The following DAB1 variants were observed in gnomAD, a reference collection of about 807,000 sequenced individuals.
DAB1 encodes disabled homolog 1.
Under a neutral mutation model 64.6 loss-of-function variants are expected in DAB1, and 15 were observed. The observed-to-expected ratio is 0.23, with a 90% CI of 0.16 to 0.36. The LOEUF (loss-of-function observed/expected upper bound fraction) is 0.36. Ranked by LOEUF, DAB1 falls within the 10% of genes least tolerant of loss-of-function variation. The pLI, the probability that DAB1 is intolerant of heterozygous loss-of-function variation, is 1.00. For synonymous variants in DAB1, 235 were observed against 251.9 expected (o/e 0.93, Z 0.64); for missense variants, 596 against 706.7 (o/e 0.84, Z 1.78).
At chr1:57,831,641 C>A (rs1163008101) in intron 1 of DAB1, among the ~76,000 whole-genome samples, 1 of 144,230 alleles carries the variant, frequency 6.9e-6, no homozygotes, top group Admixed American at 7.4e-5. Flanking sequence ...TTCTGGGGAA[C>A]AAGTGATCCT....
intron 5 of DAB1, among the ~76,000 whole-genome samples, chr1:58,143,289 A>G (rs1654388997): frequency 6.6e-6 from 1 of 152,204 alleles, no homozygotes; most frequent in South Asian, 2.1e-4. Flanking sequence ...GGAAAAGAAG[A>G]TGCCTAAAGA....
intron 2 of DAB1, among the ~76,000 whole-genome samples, chr1:57,202,651 T>C (rs1428108240): frequency 6.6e-6 from 1 of 152,232 alleles, no homozygotes; most frequent in Admixed American, 6.5e-5. Flanking sequence ...TCCATTTGGA[T>C]CAGCACTTTA....
intron 4 of DAB1, among the ~76,000 whole-genome samples, chr1:58,324,612 G>A (rs1662778117): frequency 1.3e-5 from 2 of 152,222 alleles, no homozygotes; most frequent in Admixed American, 1.3e-4. Context: ...TTCAATCTGG[G>A]GAAACAATTT....
chr1:57,267,907 G>C (rs1409618488), intron 2 of DAB1, among the ~76,000 whole-genome samples: 8 of 152,120 alleles, frequency 5.3e-5, no homozygotes, highest in Non-Finnish European at 8.8e-5. Flanking sequence ...CGGAGAGTGG[G>C]AAAACAATTA....
chr1:57,505,610 A>G (rs1316579556), intron 7 of DAB1, among the ~76,000 whole-genome samples: 1 of 152,170 alleles, frequency 6.6e-6, no homozygotes, highest in African/African-American at 2.4e-5. Flanking sequence ...TTGTACTTCT[A>G]GAATTCTTGA....
chr1:58,117,428 C>A (rs1428166541), intron 5 of DAB1, among the ~76,000 whole-genome samples: 1 of 152,174 alleles, frequency 6.6e-6, no homozygotes, highest in East Asian at 1.9e-4. Flanking sequence ...TCAGGACTGA[C>A]CTAATTCCAT....
At chr1:58,400,698 A>G (rs1557749758) in intron 3 of DAB1, among the ~76,000 whole-genome samples, 2 of 152,236 alleles carry the variant, frequency 1.3e-5, no homozygotes, top group Non-Finnish European at 1.5e-5. Flanking sequence ...AGAACCTCAG[A>G]AGCAATAAAG....
chr1:57,093,016 A>C (rs1440480425), intron 4 of DAB1, among the ~76,000 whole-genome samples: 1 of 152,192 alleles, frequency 6.6e-6, no homozygotes, highest in Non-Finnish European at 1.5e-5. Context: ...AAGAAAAGGA[A>C]AAGCAAGTAC....
chr1:57,665,259 G>T (rs1201921610), intron 6 of DAB1, among the ~76,000 whole-genome samples: 3 of 151,878 alleles, frequency 2.0e-5, no homozygotes, highest in Non-Finnish European at 4.4e-5. Context: ...AAGTTTGGAA[G>T]CAACCAAATA....
At chr1:57,677,991 CATTG>C (rs1238937127) in intron 6 of DAB1, among the ~76,000 whole-genome samples, 1 of 152,114 alleles carries the variant, frequency 6.6e-6, no homozygotes, top group African/African-American at 2.4e-5. Flanking sequence ...CTTTAGAAAA[CATTG>C]ATGTCTGGGT....
rs771433365 is a variant in DAB1 at position 57,290,958 on chromosome 1, C to T, written c.67+6G>A. The stretch of plus-strand genomic sequence containing the variant: ...GCCATTAAAAAAAGGTCAAATTCAG[C>T]CCTACCTTTCTTTCTGGAGTCTTTC... On this transcript the variant is annotated splice_donor_region_variant and intron_variant, in intron 2 of 14. Coordinates refer to ENST00000371236, the MANE Select transcript of DAB1 (RefSeq NM_001365792.1). 1.9e-6 allele frequency: 3 copies of T among 1,608,204 alleles called. No individual in the cohort carries two copies. The highest frequency in any genetic ancestry group is 2.6e-6 in the Non-Finnish European group (3 of 1,176,112).
chr1:57,768,331 C>T (rs1396836189), intron 6 of DAB1, among the ~76,000 whole-genome samples: 1 of 151,788 alleles, frequency 6.6e-6, no homozygotes, highest in African/African-American at 2.4e-5. Flanking sequence ...TTAGGACTAC[C>T]TTATGCAGTT....
At chr1:57,243,847 C>A (rs1288967979) in intron 2 of DAB1, among the ~76,000 whole-genome samples, 1 of 152,110 alleles carries the variant, frequency 6.6e-6, no homozygotes, top group Non-Finnish European at 1.5e-5. Context: ...ATCATGGAGG[C>A]AAATTAAAAG....
intron 2 of DAB1, chr1:58,527,209 A>C: frequency 1.2e-6 from 1 of 846,628 alleles, no homozygotes; most frequent in Non-Finnish European, 2.1e-6. Flanking sequence ...ACACACGTTT[A>C]TCTTTCAGCC....
At chr1:57,564,204 A>G (rs1645088700) in intron 7 of DAB1, among the ~76,000 whole-genome samples, 1 of 152,230 alleles carries the variant, frequency 6.6e-6, no homozygotes, top group South Asian at 2.1e-4. Flanking sequence ...AGCAAACTCC[A>G]ACAGACCTGC....
rs139464238 is a variant in DAB1, at chr1:57,349,338, G to A, written c.-136-58172C>T. Among the ~76,000 whole-genome samples, 819 of 152,202 alleles carry A rather than the reference G, an allele frequency of 5.4e-3. 10 individuals carry two copies. Among genetic ancestry groups the A allele is most frequent in the African/African-American group, 0.018 (752 of 41,532 alleles). On this transcript the variant is annotated intron_variant, in intron 1 of 14. Transcript: ENST00000371236. ...TTGTAAAATGCCCACTGTATTCTGG[G>A]TAAGAAGAGATTTTTTTGGTGTGTG...
At chr1:57,223,224 G>C (rs1667016455) in intron 2 of DAB1, among the ~76,000 whole-genome samples, 1 of 152,198 alleles carries the variant, frequency 6.6e-6, no homozygotes, top group South Asian at 2.1e-4. Flanking sequence ...ACCAGGAGAG[G>C]GGAGGGACCA....
intron 7 of DAB1, among the ~76,000 whole-genome samples, chr1:57,479,289 A>G (rs1402218762): frequency 6.6e-6 from 1 of 151,992 alleles, no homozygotes; most frequent in African/African-American, 2.4e-5. Context: ...CCTGGAAATC[A>G]CACACACAGA....
At chr1:57,672,783 C>G (rs1170494274) in intron 6 of DAB1, among the ~76,000 whole-genome samples, 3 of 152,102 alleles carry the variant, frequency 2.0e-5, no homozygotes, top group Admixed American at 6.6e-5. Context: ...TATCACAATG[C>G]ATTGTCTTTC....
Sources: allele counts gnomAD v4.1 joint callset (sites outside exome capture counted in the v4.1 genomes callset), GRCh38; gene constraint gnomAD v4.1.1; transcripts MANE v1.5; gene names NCBI Gene and HGNC (gene_info 2026-07-23, HGNC 2026-07-21).